AUTS2: variants seen among roughly 807,000 people sequenced by gnomAD.
AUTS2 encodes the protein autism susceptibility gene 2 protein.
In AUTS2, 17 loss-of-function variants were observed where a neutral mutation model predicts 112.4. The ratio of observed to expected loss-of-function variants is 0.15; its 90% CI spans 0.10 to 0.23. AUTS2 has a LOEUF of 0.23. Ranked by LOEUF, AUTS2 falls within the 10% of genes least tolerant of loss-of-function variation. The pLI, the probability that AUTS2 is intolerant of heterozygous loss-of-function variation, is 1.00. For synonymous variants in AUTS2, 751 were observed against 702.7 expected, an observed-to-expected ratio of 1.07 and a Z score of -1.09; for missense variants, 1,510 against 1,701.6, an observed-to-expected ratio of 0.89 and a Z score of 1.98.
At chr7:70,137,967 A>G (rs184567765) in intron 4 of AUTS2, among the ~76,000 whole-genome samples, 2 of 152,310 alleles carry the variant, frequency 1.3e-5, no homozygotes, top group Admixed American at 1.3e-4. Flanking sequence ...GTGAACATAA[A>G]ACAGGGTATT....
chr7:69,626,125 C>T (rs1393159940), intron 1 of AUTS2, among the ~76,000 whole-genome samples: 2 of 152,062 alleles, frequency 1.3e-5, no homozygotes, highest in African/African-American at 4.8e-5. Context: ...TGCAGGGAAC[C>T]TTGTAGCTGC....
rs573666564 is a variant in AUTS2, at chr7:69,879,347, G to A, written c.310-19939G>A. Among the ~76,000 whole-genome samples, 54 of 140,124 alleles carry A rather than the reference G, an allele frequency of 3.9e-4. 1 individual carries two copies. The highest frequency in any genetic ancestry group is 3.9e-3 in the Admixed American group (53 of 13,754). The allele number at this position is 140,124 out of a possible 152,430, so 91.9% of individuals were successfully genotyped here. A position where few individuals can be genotyped will look rare whatever the true frequency, so the allele number is the denominator to read the frequency against. The stretch of plus-strand genomic sequence containing the variant: ...TTTTTTTTTGTAGAGACGGGATTTT[G>A]CCATGTTGCCCAGGCTGATCCTGAC... On this transcript the variant is annotated intron_variant, in intron 1 of 18. Transcript: ENST00000342771.
intron 4 of AUTS2, among the ~76,000 whole-genome samples, chr7:70,229,240 T>G (rs1811923531): frequency 6.6e-6 from 1 of 152,128 alleles, no homozygotes; most frequent in East Asian, 1.9e-4. Flanking sequence ...GAACTTTATG[T>G]TTTGTAAAGC....
intron 4 of AUTS2, among the ~76,000 whole-genome samples, chr7:70,304,939 A>C (rs1789424184): frequency 6.6e-6 from 1 of 152,042 alleles, no homozygotes; most frequent in Admixed American, 6.5e-5. Context: ...TTCAAGAAAA[A>C]CATTTAAATT....
At chr7:70,357,072 G>A (rs1369410765) in intron 4 of AUTS2, among the ~76,000 whole-genome samples, 1 of 152,232 alleles carries the variant, frequency 6.6e-6, no homozygotes. Flanking sequence ...GGGTAGAACA[G>A]AGGGGATCCC....
chr7:70,450,663 G>C (rs1210930503), intron 5 of AUTS2, among the ~76,000 whole-genome samples: 1 of 152,150 alleles, frequency 6.6e-6, no homozygotes, highest in African/African-American at 2.4e-5. Context: ...ACCTTATGTA[G>C]GTGAATGACA....
At chr7:70,643,386 C>G (rs1434497205) in intron 5 of AUTS2, among the ~76,000 whole-genome samples, 2 of 152,174 alleles carry the variant, frequency 1.3e-5, no homozygotes, top group East Asian at 3.9e-4. Context: ...TCCTGGCCAA[C>G]AGGGTGAAAC....
At chr7:70,068,370 G>T (rs1296413468) in intron 2 of AUTS2, among the ~76,000 whole-genome samples, 1 of 151,614 alleles carries the variant, frequency 6.6e-6, no homozygotes, top group South Asian at 2.1e-4. Flanking sequence ...ATTTTTAGTG[G>T]AAACGGAGTT....
At chr7:70,149,417 A>G (rs1026798107) in intron 4 of AUTS2, among the ~76,000 whole-genome samples, 1 of 152,090 alleles carries the variant, frequency 6.6e-6, no homozygotes, top group Non-Finnish European at 1.5e-5. Context: ...GCTTCTAGAT[A>G]TGATGTCAAC....
intron 1 of AUTS2, among the ~76,000 whole-genome samples, chr7:69,736,287 TG>T (rs1357249161): frequency 6.6e-6 from 1 of 152,188 alleles, no homozygotes; most frequent in Non-Finnish European, 1.5e-5. Context: ...AAGGATATTG[TG>T]GTAAACCAAA....
At chr7:70,298,237 G>A (rs1359583653) in intron 4 of AUTS2, among the ~76,000 whole-genome samples, 1 of 151,920 alleles carries the variant, frequency 6.6e-6, no homozygotes, top group Non-Finnish European at 1.5e-5. Flanking sequence ...TCACCATGTT[G>A]GCCAGACTGG....
At chr7:69,685,330 G>T (rs759175157) in intron 1 of AUTS2, among the ~76,000 whole-genome samples, 2 of 152,172 alleles carry the variant, frequency 1.3e-5, no homozygotes, top group East Asian at 1.9e-4. Flanking sequence ...ACGTTTCTGT[G>T]ACTACTCTGA....
intron 4 of AUTS2, among the ~76,000 whole-genome samples, chr7:70,161,411 G>T (rs908048298): frequency 4.6e-5 from 7 of 151,670 alleles, no homozygotes; most frequent in African/African-American, 1.7e-4. Flanking sequence ...TTCTTAGGGT[G>T]ATCCCAGCTT....
At chr7:69,737,663 A>G (rs1252196485) in intron 1 of AUTS2, among the ~76,000 whole-genome samples, 1 of 152,086 alleles carries the variant, frequency 6.6e-6, no homozygotes, top group Non-Finnish European at 1.5e-5. Context: ...CCACAGGGGG[A>G]TGTTTGAAAG....
At chr7:69,659,188 A>G (rs901444906) in intron 1 of AUTS2, among the ~76,000 whole-genome samples, 2 of 152,214 alleles carry the variant, frequency 1.3e-5, no homozygotes, top group Admixed American at 1.3e-4. Flanking sequence ...AATTTGTAGA[A>G]CATGACTAAC....
chr7:70,178,327 G>A (rs1050949580), intron 4 of AUTS2, among the ~76,000 whole-genome samples: 4 of 151,726 alleles, frequency 2.6e-5, no homozygotes, highest in Non-Finnish European at 4.4e-5. Context: ...AGTGAAATAC[G>A]TCTTTAAACC....
At chr7:70,341,524 C>T (rs1321613716) in intron 4 of AUTS2, among the ~76,000 whole-genome samples, 3 of 152,210 alleles carry the variant, frequency 2.0e-5, no homozygotes, top group Non-Finnish European at 4.4e-5. Flanking sequence ...ACAACTTTCT[C>T]AGATGGGGCA....
chr7:70,768,643 T>C (rs1351255925), intron 10 of AUTS2, among the ~76,000 whole-genome samples: 1 of 152,184 alleles, frequency 6.6e-6, no homozygotes, highest in East Asian at 1.9e-4. Flanking sequence ...ATATTTTCTC[T>C]TTAAACTCAT....
At chr7:69,836,040 C>T (rs1385063314) in intron 1 of AUTS2, among the ~76,000 whole-genome samples, 3 of 152,154 alleles carry the variant, frequency 2.0e-5, no homozygotes, top group South Asian at 2.1e-4. Flanking sequence ...TTATCTGTTT[C>T]TTCAGTTGAC....
Sources: allele counts gnomAD v4.1 joint callset (sites outside exome capture counted in the v4.1 genomes callset), GRCh38; gene constraint gnomAD v4.1.1; transcripts MANE v1.5; gene names NCBI Gene and HGNC (gene_info 2026-07-23, HGNC 2026-07-21).